The following CACNA2D1 variants were observed in gnomAD, a reference collection of about 807,000 sequenced individuals.
CACNA2D1 encodes calcium voltage-gated channel auxiliary subunit alpha2delta 1.
Under a neutral mutation model 171.5 loss-of-function variants are expected in CACNA2D1, and 53 were observed. That is an observed-to-expected ratio of 0.31 (90% CI 0.25 to 0.39). The LOEUF is 0.39. Ranked by LOEUF, CACNA2D1 falls within the 10% of genes least tolerant of loss-of-function variation. The probability of loss-of-function intolerance (pLI) is 1.00; values close to 1 mark genes in which losing one functional copy is unlikely to be tolerated. For synonymous variants in CACNA2D1, 442 were observed against 443.1 expected (o/e 1.00, Z 0.03); for missense variants, 903 against 1,299.8 (o/e 0.69, Z 4.69).
At chr7:82,115,317 G>A (rs1788915172) in intron 6 of CACNA2D1, among the ~76,000 whole-genome samples, 1 of 152,058 alleles carries the variant, frequency 6.6e-6, no homozygotes, top group African/African-American at 2.4e-5. Context: ...ATATAGCTTA[G>A]CATTGTCTGA....
chr7:82,366,738 C>A (rs978954561), intron 1 of CACNA2D1, among the ~76,000 whole-genome samples: 8 of 151,794 alleles, frequency 5.3e-5, no homozygotes, highest in Non-Finnish European at 1.2e-4. Flanking sequence ...TATATATATC[C>A]AGTAATGGGA....
intron 1 of CACNA2D1, among the ~76,000 whole-genome samples, chr7:82,379,959 C>T (rs917526542): frequency 1.4e-4 from 22 of 152,096 alleles, no homozygotes; most frequent in Non-Finnish European, 2.9e-4. Flanking sequence ...TATCCATAGG[C>T]TTTAGGCAAT....
At chr7:82,138,324 A>C (rs1791921722) in intron 4 of CACNA2D1, among the ~76,000 whole-genome samples, 1 of 152,184 alleles carries the variant, frequency 6.6e-6, no homozygotes, top group Non-Finnish European at 1.5e-5. Context: ...ATTTAGAATC[A>C]CTAAAGTTTT....
At position 82,141,964 on chromosome 7, in the gene CACNA2D1, A is replaced by C. The variant is rs539251839; in HGVS notation, c.355-5288T>G. Among the ~76,000 whole-genome samples the C allele has an allele frequency of 7.6e-4, 116 of 152,322 alleles. 1 individual carries two copies. Among genetic ancestry groups the C allele is most frequent in the African/African-American group, 2.6e-3 (108 of 41,582 alleles). On this transcript the variant is annotated intron_variant, in intron 4 of 38. Coordinates refer to ENST00000356860, the MANE Select transcript of CACNA2D1 (RefSeq NM_000722.4). ...ATGGGAACAAATGATAGAATAGAGT[A>C]ATCTTGTTTCTCTATTATCCTTCAG...
intron 15 of CACNA2D1, among the ~76,000 whole-genome samples, chr7:82,011,119 T>C (rs957733319): frequency 3.3e-5 from 5 of 152,148 alleles, no homozygotes; most frequent in Admixed American, 2.0e-4. Context: ...TTGTGTGTGG[T>C]AGGCATTTTC....
chr7:82,097,766 GACTAAAATTATC>G (rs1429048686), intron 6 of CACNA2D1, among the ~76,000 whole-genome samples: 2 of 152,086 alleles, frequency 1.3e-5, no homozygotes, highest in African/African-American at 4.8e-5. Context: ...AATATTGCTT[GACTAAAATTATC>G]ACTAAAATGA....
intron 10 of CACNA2D1, among the ~76,000 whole-genome samples, chr7:82,054,083 A>G (rs149587892): frequency 5.3e-4 from 80 of 152,338 alleles, no homozygotes; most frequent in African/African-American, 1.5e-3. Context: ...AGGAAAATCA[A>G]TGGCCTTTAA....
intron 1 of CACNA2D1, among the ~76,000 whole-genome samples, chr7:82,361,842 T>G (rs970811217): frequency 2.0e-5 from 3 of 152,198 alleles, no homozygotes; most frequent in African/African-American, 7.2e-5. Context: ...TTTAGCTATA[T>G]TCTCTCTTAT....
At chr7:82,080,463 A>G (rs540138810) in intron 7 of CACNA2D1, among the ~76,000 whole-genome samples, 60 of 152,324 alleles carry the variant, frequency 3.9e-4, no homozygotes, top group African/African-American at 1.4e-3. Context: ...TGACTTTCCC[A>G]TATTACAAAT....
At chr7:82,058,333 C>T (rs963940486) in intron 10 of CACNA2D1, among the ~76,000 whole-genome samples, 1 of 152,084 alleles carries the variant, frequency 6.6e-6, no homozygotes, top group South Asian at 2.1e-4. Context: ...AAGACATTCA[C>T]CACATTGAAT....
rs1390864983 is a variant in CACNA2D1 at position 82,442,781 on chromosome 7, GC to G, written c.95+583del. Among the ~76,000 whole-genome samples the G allele has an allele frequency of 2.0e-5, 3 of 152,286 alleles. No individual in the cohort carries two copies. The East Asian group carries it at 5.8e-4, about 29-fold the overall frequency. On this transcript the variant is annotated intron_variant, in intron 1 of 38. Coordinates refer to ENST00000356860, the MANE Select transcript of CACNA2D1 (RefSeq NM_000722.4). Reference sequence around the variant, plus strand: ...GATCGCGTGGTCCCAGTACCTGCGAGCCCCCTGCGTGGACAGCACGCTCGGC... The same window carrying G: ...GATCGCGTGGTCCCAGTACCTGCGAGCCCCTGCGTGGACAGCACGCTCGGC...
rs752780153 is a variant in CACNA2D1 at position 82,012,127 on chromosome 7, C to G, written c.1362+27G>C. On this transcript the variant is annotated intron_variant, in intron 15 of 38. Transcript: ENST00000356860. ...ATCTGTGTGCTTTTGTTATGACAGT[C>G]TTTGACTGAATAGCTCAACCTCTTA... is the stretch of plus-strand genomic sequence containing the variant. 5.4e-6 allele frequency: 7 copies of G among 1,303,240 alleles called. No individual in the cohort carries two copies. The South Asian group carries it at 8.2e-5, about 15-fold the overall frequency. The allele number at this position is 1,303,240 out of a possible 1,614,324, so 80.7% of individuals were successfully genotyped here.
chr7:82,366,903 CT>C (rs71093376), intron 1 of CACNA2D1, among the ~76,000 whole-genome samples: 2,028 of 86,954 alleles, frequency 0.023, 31 homozygotes, highest in African/African-American at 0.071. Context: ...TGGTTTTGAC[CT>C]TTTTTTTTTT....
chr7:82,364,223 G>C (rs1821421484), intron 1 of CACNA2D1, among the ~76,000 whole-genome samples: 1 of 151,344 alleles, frequency 6.6e-6, no homozygotes, highest in Non-Finnish European at 1.5e-5. Flanking sequence ...GTGTCAAAAA[G>C]AAAAAAAAAG....
At chr7:82,133,362 A>C (rs946176296) in intron 5 of CACNA2D1, among the ~76,000 whole-genome samples, 3 of 152,158 alleles carry the variant, frequency 2.0e-5, no homozygotes, top group Non-Finnish European at 4.4e-5. Context: ...TTGAGGGCAA[A>C]ATCTGAATAC....
intron 20 of CACNA2D1, among the ~76,000 whole-genome samples, 154 bp from the exon 21 acceptor site, chr7:81,991,400 C>CT (rs1339235667): frequency 6.6e-6 from 1 of 151,940 alleles, no homozygotes; most frequent in Non-Finnish European, 1.5e-5. Context: ...TATTTATTTT[C>CT]TGGGTGTGTC....
intron 14 of CACNA2D1, among the ~76,000 whole-genome samples, chr7:82,013,115 C>A (rs1299369485): frequency 2.6e-5 from 4 of 151,810 alleles, no homozygotes; most frequent in Non-Finnish European, 5.9e-5. Flanking sequence ...ATACACAGTA[C>A]CTACAATTTG....
At chr7:81,975,559 T>C (rs1427953513) in intron 24 of CACNA2D1, among the ~76,000 whole-genome samples, 1 of 152,160 alleles carries the variant, frequency 6.6e-6, no homozygotes, top group Non-Finnish European at 1.5e-5. Context: ...TGTAATTCAT[T>C]GATGGGTAGT....
At position 81,951,969 on chromosome 7, in the gene CACNA2D1, G is replaced by GTTTTTTTTTTTTTTTTTT. The variant is rs774805421; in HGVS notation, c.3160-1479_3160-1462dup. Among the ~76,000 whole-genome samples, 315 of 71,852 alleles carry GTTTTTTTTTTTTTTTTTT rather than the reference G, an allele frequency of 4.4e-3. 11 individuals carry two copies. The highest frequency in any genetic ancestry group is 9.9e-3 in the African/African-American group (163 of 16,480). 47.1% of individuals were successfully genotyped at this position (71,852 alleles called of 152,430 possible). ...CATTCCCACCAGCAGTGTACAAAGT[G>GTTTTTTTTTTTTTTTTTT]TTTTTTTTTTTTTTTTTTTTTTAAC... On this transcript the variant is annotated intron_variant, in intron 38 of 38. Transcript: ENST00000356860.
Sources: gnomAD v4.1 joint callset for allele counts (sites outside exome capture counted in the v4.1 genomes callset) on GRCh38, gnomAD v4.1.1 for gene constraint, MANE v1.5 for transcripts, NCBI Gene and HGNC (gene_info 2026-07-23, HGNC 2026-07-21) for gene names.